The following MPP2 variants were observed in gnomAD, a reference collection of about 807,000 sequenced individuals.
The protein encoded by MPP2 is MAGUK p55 scaffold protein 2, also known as MAGUK p55 subfamily member 2.
A neutral mutation model predicts 58.5 loss-of-function variants in MPP2; 42 were observed. That is an observed-to-expected ratio of 0.72 (90% confidence interval 0.56 to 0.93). The LOEUF is 0.93. Ranked by LOEUF, MPP2 falls within the 40% of genes least tolerant of loss-of-function variation. The pLI is 0.00. For missense variants in MPP2, 632 were observed against 760.4 expected, an observed-to-expected ratio of 0.83 and a Z score of 1.99; for synonymous variants, 300 against 307.8, an observed-to-expected ratio of 0.97 and a Z score of 0.26.
Position 43,907,359 on chromosome 17 carries a change from G to A in MPP2, c.-34+115C>T, listed in dbSNP as rs554857557. 2.9e-5 allele frequency: 29 copies of A among 985,736 alleles called. No homozygotes were observed. The African/African-American group carries it at 4.5e-4, about 15-fold the overall frequency. 61.1% of individuals were successfully genotyped at this position (985,736 alleles called of 1,614,324 possible). On this transcript the variant is annotated intron_variant, in intron 1 of 12. Transcript: ENST00000269095. ...GGACAGGGAGGGAACGGGCCTGGGT[G>A]AAAGGGGCCTGTGGAGTTTAAACCC...
At chr17:43,891,930 C>A (rs776059996) in intron 3 of MPP2, among the ~76,000 whole-genome samples, 4 of 152,100 alleles carry the variant, frequency 2.6e-5, no homozygotes, top group Admixed American at 2.0e-4. Flanking sequence ...CTCAGCTGTC[C>A]CCATTAGTAA....
Position 43,906,220 on chromosome 17 carries a change from C to T in MPP2, c.-34+1254G>A, listed in dbSNP as rs549490062. The stretch of plus-strand genomic sequence containing the variant: ...AAATCCCTGCGCTCGGAAGTCTTGC[C>T]CAGCCTGCCTGGGTTTTCTCCCGGG... On this transcript the variant is annotated intron_variant, in intron 1 of 12. Coordinates refer to ENST00000269095, the MANE Select transcript of MPP2 (RefSeq NM_005374.5). The T allele has an allele frequency of 1.2e-4, 101 of 849,170 alleles. No individual in the cohort carries two copies. The Admixed American group carries it at 6.0e-3, about 50-fold the overall frequency. The allele number at this position is 849,170 out of a possible 1,614,324, so 52.6% of individuals were successfully genotyped here. A position where few individuals can be genotyped will look rare whatever the true frequency, so the allele number is the denominator to read the frequency against.
Position 43,878,287 on chromosome 17 carries a change from G to A in MPP2, c.1483-304C>T, listed in dbSNP as rs149211766. 2.2e-4 allele frequency among the ~76,000 whole-genome samples: 33 copies of A among 152,306 alleles called. 1 individual carries two copies. The East Asian group carries it at 5.8e-3, about 27-fold the overall frequency. On this transcript the variant is annotated intron_variant, in intron 12 of 12. Coordinates refer to ENST00000269095, the MANE Select transcript of MPP2 (RefSeq NM_005374.5). The stretch of plus-strand genomic sequence containing the variant: ...GATTAATTCTTTCCCATTTATAGCA[G>A]AGAAAATGAAGGTATAAAAAGGTCA...
At chr17:43,906,677 G>A (rs2048300871) in intron 1 of MPP2, among the ~76,000 whole-genome samples, 1 of 152,018 alleles carries the variant, frequency 6.6e-6, no homozygotes, top group African/African-American at 2.4e-5. Context: ...GTGCATGCTT[G>A]GACCATCAGA....
intron 1 of MPP2, 43 bp downstream of exon 1, chr17:43,907,431 G>A (rs2048334204): frequency 2.0e-6 from 2 of 985,530 alleles, no homozygotes; most frequent in South Asian, 4.7e-5. Flanking sequence ...AGAAGGCGGA[G>A]GTCTTGGGAT....
At chr17:43,908,541 C>T (rs559088372), upstream of MPP2, among the ~76,000 whole-genome samples, 1 of 152,246 alleles carries the variant, frequency 6.6e-6, no homozygotes, top group East Asian at 1.9e-4. Context: ...TCGAGACTAG[C>T]CCAAGCAACA....
chr17:43,885,861 G>A (rs576033739), intron 3 of MPP2, among the ~76,000 whole-genome samples: 29 of 152,108 alleles, frequency 1.9e-4, no homozygotes, highest in South Asian at 8.3e-4. Context: ...CTGTAATCCC[G>A]CACTTTGGGA....
At chr17:43,878,121 C>A in intron 12 of MPP2, 138 bp from the exon 13 acceptor site, 1 of 844,966 alleles carries the variant, frequency 1.2e-6, no homozygotes, top group Non-Finnish European at 1.8e-6. Context: ...GAGGCAGGGG[C>A]CCCTCTCTGC....
chr17:43,887,520 C>T (rs1193715112), intron 3 of MPP2, among the ~76,000 whole-genome samples: 1 of 151,424 alleles, frequency 6.6e-6, no homozygotes, highest in Admixed American at 6.6e-5. Context: ...TCTTCTAGGA[C>T]GTGTATGATT....
At position 43,876,660 on chromosome 17, in the gene MPP2, CGT is replaced by C. The variant is rs1444881499; in HGVS notation, c.*1145_*1146del. ...CCTGACACACACACACACACACGCA[CGT>C]GCACACGCACACACATACACACAAC... On this transcript the variant is annotated 3_prime_UTR_variant, in exon 13 of 13. Transcript: ENST00000269095. 1 of 52,726 alleles carries C rather than the reference CGT, an allele frequency of 1.9e-5. No individual in the cohort carries two copies. Among genetic ancestry groups the C allele is most frequent in the African/African-American group, 3.6e-5 (1 of 27,700 alleles). 3.3% of individuals were successfully genotyped at this position (52,726 alleles called of 1,614,324 possible).
Position 43,880,830 on chromosome 17 carries a change from G to A in MPP2, c.1011C>T (p.Leu337=), listed in dbSNP as rs770159036. 1.2e-6 allele frequency: 2 copies of A among 1,609,774 alleles called. No individual in the cohort carries two copies. Among genetic ancestry groups the A allele is most frequent in the Admixed American group, 1.7e-5 (1 of 59,716 alleles). ...GCATGCGGGCCACCTCCTCATAAAT[G>A]AGCAGCTCATGACGGTCAAACTCTG... ...KNAEFDRHEL[L]IYEEVARMPP... The change falls in exon 10 of 13, where the codon CTC becomes CTT. Residue 337 remains leucine, a synonymous_variant. Coordinates refer to ENST00000269095, the MANE Select transcript of MPP2 (RefSeq NM_005374.5). The surrounding 1 kb of genome is among the most constrained non-coding windows in gnomAD (Gnocchi z 5.2).
Position 43,907,531 on chromosome 17 carries a change from T to A in MPP2, c.-91A>T, listed in dbSNP as rs2048341364. On this transcript the variant is annotated 5_prime_UTR_variant, in exon 1 of 13. Coordinates refer to ENST00000269095, the MANE Select transcript of MPP2 (RefSeq NM_005374.5). The stretch of plus-strand genomic sequence containing the variant: ...CTCCAGCGCAGCCGGGCGCTCAGCG[T>A]TTATTGCTTGTCAATCGCTAGCCCG... The A allele has an allele frequency of 1.0e-6, 1 of 985,372 alleles. No homozygotes were observed. The allele number at this position is 985,372 out of a possible 1,614,324, so 61.0% of individuals were successfully genotyped here. A position where few individuals can be genotyped will look rare whatever the true frequency, so the allele number is the denominator to read the frequency against.
chr17:43,896,241 C>A (rs913046430), intron 3 of MPP2, among the ~76,000 whole-genome samples: 2 of 152,156 alleles, frequency 1.3e-5, no homozygotes, highest in African/African-American at 4.8e-5. Flanking sequence ...TCTCCCCACC[C>A]TGACGCCTGC....
In MPP2 at chr17:43,883,320, G is replaced by A. The variant is rs760867672; in HGVS notation, c.186C>T (p.Ala62=). The change falls in exon 4 of 13, where the codon GCC becomes GCT. Residue 62 remains alanine, a synonymous_variant. Transcript: ENST00000269095. The stretch of plus-strand genomic sequence containing the variant: ...CCAGCTCCAGGTTGTTGTCTCTCAC[G>A]GCCTCCAGCTTCGTCTCCTCCAGCC... ...HERLEETKLE[A]VRDNNLELVQ... The A allele has an allele frequency of 1.6e-5, 25 of 1,612,612 alleles. No homozygotes were observed. The highest frequency in any genetic ancestry group is 4.0e-5 in the African/African-American group (3 of 74,890).
chr17:43,881,427 C>T (rs1040396874), intron 7 of MPP2, 31 bp downstream of exon 7: 1 of 1,614,030 alleles, frequency 6.2e-7, no homozygotes. Context: ...TGCACCATAC[C>T]TGGAGAGATG....
Position 43,875,559 on chromosome 17 carries a change from T to C in MPP2, c.*2248A>G, listed in dbSNP as rs1055441651. 1 of 151,452 alleles carries C rather than the reference T, an allele frequency of 6.6e-6. No individual in the cohort carries two copies. Among genetic ancestry groups the C allele is most frequent in the African/African-American group, 2.5e-5 (1 of 40,650 alleles). The allele number at this position is 151,452 out of a possible 1,614,324, so 9.4% of individuals were successfully genotyped here. On this transcript the variant is annotated 3_prime_UTR_variant, in exon 13 of 13. Coordinates refer to ENST00000269095, the MANE Select transcript of MPP2 (RefSeq NM_005374.5). Reference sequence around the variant, plus strand: ...ATGGCAGGGAGGGAGAACAGAGTCATAGAGCTGTGGTGGGGGCACACACCT... The same window carrying C: ...ATGGCAGGGAGGGAGAACAGAGTCACAGAGCTGTGGTGGGGGCACACACCT...
At chr17:43,900,577 C>G in intron 2 of MPP2, 1 of 1,533,892 alleles carries the variant, frequency 6.5e-7, no homozygotes, top group Non-Finnish European at 8.8e-7. Flanking sequence ...CCGGGGACTC[C>G]CGGAGCGTCC....
chr17:43,898,971 C>A (rs912740442), intron 2 of MPP2, among the ~76,000 whole-genome samples: 1 of 150,400 alleles, frequency 6.6e-6, no homozygotes, highest in African/African-American at 2.5e-5. Context: ...TCTGGCCGGG[C>A]GCGGTGGCTC....
chr17:43,901,364 G>C, intron 2 of MPP2: 2 of 985,494 alleles, frequency 2.0e-6, no homozygotes, highest in Non-Finnish European at 2.4e-6. Context: ...TGCCCAGGAA[G>C]CAAGTCAGGC....
Sources: allele counts gnomAD v4.1 joint callset (sites outside exome capture counted in the v4.1 genomes callset), GRCh38; gene constraint gnomAD v4.1.1; non-coding constraint Gnocchi (gnomAD v3.1); transcripts MANE v1.5; gene names NCBI Gene and HGNC (gene_info 2026-07-23, HGNC 2026-07-21).